The following FMN1 variants were observed in gnomAD, a reference collection of about 807,000 sequenced individuals.
FMN1 encodes the protein formin 1.
A neutral mutation model predicts 132.4 loss-of-function variants in FMN1; 110 were observed. That is an observed-to-expected ratio of 0.83 (90% CI 0.71 to 0.97). The LOEUF is 0.97. Among genes scored for constraint, FMN1 ranks in the 50% least tolerant of loss-of-function variants. The pLI is 0.00. For synonymous variants in FMN1, 722 were observed against 651.7 expected, an observed-to-expected ratio of 1.11 and a Z score of -1.64; for missense variants, 1,792 against 1,705.3, an observed-to-expected ratio of 1.05 and a Z score of -0.90.
At chr15:32,909,525 TA>T (rs1392131917) in intron 11 of FMN1, among the ~76,000 whole-genome samples, 6 of 152,210 alleles carry the variant, frequency 3.9e-5, no homozygotes, top group Non-Finnish European at 5.9e-5. Flanking sequence ...CCTAGACTAT[TA>T]GACTATGGAA....
At chr15:32,961,516 A>C (rs2030549813) in intron 9 of FMN1, among the ~76,000 whole-genome samples, 1 of 152,190 alleles carries the variant, frequency 6.6e-6, no homozygotes, top group Non-Finnish European at 1.5e-5. Context: ...ATAGCAACAC[A>C]GAGTACTATA....
At position 32,773,455 on chromosome 15, in the gene FMN1, T is replaced by G. The variant is rs2056315006; in HGVS notation, c.*855A>C. 6.6e-6 allele frequency: 1 copy of G among 152,132 alleles called. No individual in the cohort carries two copies. 9.4% of individuals were successfully genotyped at this position (152,132 alleles called of 1,614,324 possible). On this transcript the variant is annotated 3_prime_UTR_variant, in exon 21 of 21. Coordinates refer to ENST00000616417, the MANE Select transcript of FMN1 (RefSeq NM_001277313.2). ...GCCCATTCATGAACGGTCCAAAATG[T>G]AAAAGGTGCTCTGCCGCTGGGTCTC...
At chr15:33,008,464 T>C (rs2034533586) in intron 6 of FMN1, among the ~76,000 whole-genome samples, 1 of 152,054 alleles carries the variant, frequency 6.6e-6, no homozygotes, top group Admixed American at 6.6e-5. Context: ...AAACTTTCTA[T>C]GTGAGATCAG....
At chr15:33,078,002 G>A (rs952001022) in intron 5 of FMN1, among the ~76,000 whole-genome samples, 6 of 152,096 alleles carry the variant, frequency 3.9e-5, no homozygotes, top group African/African-American at 1.5e-4. Context: ...GTGCTGGAGA[G>A]GATGTGGAGA....
At chr15:32,888,717 G>A (rs2059953434) in intron 15 of FMN1, among the ~76,000 whole-genome samples, 1 of 152,204 alleles carries the variant, frequency 6.6e-6, no homozygotes, top group Non-Finnish European at 1.5e-5. Flanking sequence ...ATCAGAAGGT[G>A]CTGGATAAGA....
intron 6 of FMN1, among the ~76,000 whole-genome samples, chr15:33,058,036 C>CGGGGCTGGTGGTGGAAAGGCGTGGCG (rs113942294): frequency 6.8e-6 from 1 of 146,662 alleles, no homozygotes; most frequent in African/African-American, 2.5e-5. Context: ...AAAGGCGTGG[C>CGGGGCTGGTGGTGGAAAGGCGTGGCG]GGGCTGGTGG....
At chr15:32,839,038 T>G (rs1258764) in intron 17 of FMN1, among the ~76,000 whole-genome samples, 12 of 152,036 alleles carry the variant, frequency 7.9e-5, no homozygotes, top group African/African-American at 2.9e-4. Context: ...GGACAAACAG[T>G]TCATTTCCCT....
chr15:32,854,583 G>A (rs1377193723), intron 17 of FMN1, among the ~76,000 whole-genome samples: 2 of 152,174 alleles, frequency 1.3e-5, no homozygotes, highest in Non-Finnish European at 2.9e-5. Flanking sequence ...AGTAGGAGCT[G>A]ATGAGCTGAT....
intron 17 of FMN1, among the ~76,000 whole-genome samples, chr15:32,849,900 G>A (rs903503210): frequency 2.0e-5 from 3 of 152,138 alleles, no homozygotes; most frequent in East Asian, 1.9e-4. Flanking sequence ...CAGGTGATCC[G>A]CCTGCCTTGG....
At position 33,184,714 on chromosome 15, in the gene FMN1, G is replaced by C. The variant is rs1379950734; in HGVS notation, c.-196-4452C>G. 2.0e-5 allele frequency among the ~76,000 whole-genome samples: 3 copies of C among 152,056 alleles called. No individual in the cohort carries two copies. In the East Asian group the frequency reaches 5.8e-4, roughly 29 times the overall value. On this transcript the variant is annotated intron_variant, in intron 2 of 20. Transcript: ENST00000616417. ...AGATGGGTTTACGCCATGTTGGCCA[G>C]GCTGGTCTCAAACTCCTGACCTCAA...
rs2057390767 is a variant in FMN1, at chr15:32,799,103, T to G, written c.3981-150A>C. 6.1e-6 allele frequency: 4 copies of G among 651,954 alleles called. No homozygotes were observed. In the East Asian group the frequency reaches 1.1e-4, roughly 18 times the overall value. The allele number at this position is 651,954 out of a possible 1,614,324, so 40.4% of individuals were successfully genotyped here. A position where few individuals can be genotyped will look rare whatever the true frequency, so the allele number is the denominator to read the frequency against. On this transcript the variant is annotated intron_variant, in intron 18 of 20. Coordinates refer to ENST00000616417, the MANE Select transcript of FMN1 (RefSeq NM_001277313.2). ...GGCTCATAGTTACTGAAGTTTATTG[T>G]AAACCTCAGAAAATCTATTTGCTCA...
chr15:32,964,014 GAT>G lies in FMN1; in HGVS notation c.3138+91_3138+92del. 7 of 342,562 alleles carry G rather than the reference GAT, an allele frequency of 2.0e-5. No individual in the cohort carries two copies. The East Asian group carries it at 3.9e-4, about 19-fold the overall frequency. 21.2% of individuals were successfully genotyped at this position (342,562 alleles called of 1,614,324 possible). On this transcript the variant is annotated intron_variant, in intron 9 of 20. Transcript: ENST00000616417. Reference sequence around the variant, plus strand: ...TAGGTATGTGTGTGTGTGTATATACGATACACACACACACACACACACACACA... The same window carrying G: ...TAGGTATGTGTGTGTGTGTATATACGACACACACACACACACACACACACA...
intron 2 of FMN1, among the ~76,000 whole-genome samples, chr15:33,189,097 G>C (rs1443239581): frequency 6.6e-6 from 1 of 152,104 alleles, no homozygotes; most frequent in Non-Finnish European, 1.5e-5. Context: ...TGTTTTCGGA[G>C]GTTAAAATTA....
intron 19 of FMN1, among the ~76,000 whole-genome samples, chr15:32,794,854 GAAAAAAACGTTTTGTGTACATGCTCCAT>G (rs1468082084): frequency 2.0e-5 from 3 of 152,064 alleles, no homozygotes; most frequent in Non-Finnish European, 4.4e-5. Flanking sequence ...GATGAGCAGA[GAAAAAAACGTTTTGTGTACATGCTCCAT>G]AAAAAAACGT....
chr15:32,854,405 A>T (rs1407615976), intron 17 of FMN1, among the ~76,000 whole-genome samples: 1 of 152,264 alleles, frequency 6.6e-6, no homozygotes, highest in East Asian at 1.9e-4. Context: ...ACCATACGGT[A>T]TTGGGAATGT....
intron 6 of FMN1, among the ~76,000 whole-genome samples, chr15:33,030,673 A>G (rs1397261073): frequency 6.6e-6 from 1 of 152,216 alleles, no homozygotes; most frequent in Non-Finnish European, 1.5e-5. Flanking sequence ...ATGCATCAGT[A>G]TTTACATACC....
intron 4 of FMN1, among the ~76,000 whole-genome samples, chr15:33,128,499 G>T (rs2468736): frequency 0.048 from 7,248 of 152,164 alleles, 312 homozygotes; most frequent in African/African-American, 0.12. Flanking sequence ...CAAGTTCTCA[G>T]AGTCATTACA....
chr15:33,150,296 A>G, intron 4 of FMN1: 1 of 985,450 alleles, frequency 1.0e-6, no homozygotes, highest in Non-Finnish European at 1.2e-6. Context: ...GGTTTGGGGG[A>G]AGACCATACT....
At chr15:32,989,036 A>T (rs143039944) in intron 7 of FMN1, among the ~76,000 whole-genome samples, 79 of 152,314 alleles carry the variant, frequency 5.2e-4, no homozygotes, top group Non-Finnish European at 7.9e-4. Flanking sequence ...ATCTTTTAAA[A>T]AACCTTCTGG....
Sources: allele counts gnomAD v4.1 joint callset (sites outside exome capture counted in the v4.1 genomes callset), GRCh38; gene constraint gnomAD v4.1.1; transcripts MANE v1.5; gene names NCBI Gene and HGNC (gene_info 2026-07-23, HGNC 2026-07-21).